Variants in ZNF600 observed in about 807,000 individuals in gnomAD.
ZNF600 encodes the protein zinc finger protein 600, also known as zinc finger protein KR-ZNF1.
In ZNF600, 4 loss-of-function variants were observed where a neutral mutation model predicts 7.3. That is an observed-to-expected ratio of 0.55 (90% CI 0.27 to 1.25). The LOEUF (loss-of-function observed/expected upper bound fraction) is 1.25, where lower values mean the gene tolerates loss of function less well. Among genes scored for constraint, ZNF600 ranks in the 50% most tolerant of loss-of-function variants. ZNF600 has a pLI of 0.12. For synonymous variants in ZNF600, 290 were observed against 308.9 expected (o/e 0.94, Z 0.64); for missense variants, 911 against 922.1 (o/e 0.99, Z 0.16).
chr19:52,766,879 G>T, exon 4 of ZNF600: 1 of 1,613,984 alleles, frequency 6.2e-7, no homozygotes, highest in Non-Finnish European at 8.5e-7. Flanking sequence ...TGAATTCTAC[G>T]ATGACGTGCA....
At chr19:52,830,596 T>C in the ZNF600 span, among the ~76,000 whole-genome samples, 12 of 152,094 alleles carry the variant, frequency 7.9e-5, no homozygotes, top group Non-Finnish European at 1.6e-4. Flanking sequence ...CCATCCCTCA[T>C]GGATCATGTG....
chr19:52,791,680 C>A (rs2062791169), upstream of ZNF600, among the ~76,000 whole-genome samples: 1 of 152,184 alleles, frequency 6.6e-6, no homozygotes, highest in Admixed American at 6.5e-5. Context: ...GAAAGATGGT[C>A]CTTTGCTGCC....
rs149662014 is a variant in ZNF600 at position 52,776,460 on chromosome 19, A to G, written c.64-1759T>C. 4.3e-3 allele frequency among the ~76,000 whole-genome samples: 650 copies of G among 151,360 alleles called. 13 individuals carry two copies. In the East Asian group the frequency reaches 0.047, roughly 11 times the overall value. ...GGAGTCTCACTCTATTGCACAGGCT[A>G]GAGTGCAGTGGCAGAATCTCAGCTC... On this transcript the variant is annotated intron_variant, in intron 2 of 3. Coordinates refer to ENST00000648973, the Ensembl canonical transcript of ZNF600.
chr19:52,771,624 T>C (rs113167883), intron 3 of ZNF600, among the ~76,000 whole-genome samples: 9,528 of 152,126 alleles, frequency 0.063, 954 homozygotes, highest in African/African-American at 0.21. Context: ...ATTACAGGTG[T>C]ATACCAACAC....
chr19:52,794,621 G>T, the ZNF600 span, among the ~76,000 whole-genome samples: 12 of 152,190 alleles, frequency 7.9e-5, no homozygotes, highest in African/African-American at 2.9e-4. Flanking sequence ...TTGGGAGGCT[G>T]AAGTGGGTAG....
At chr19:52,767,848 CAA>C in intron 3 of ZNF600, 76 bp from the exon 6 acceptor site, 3 of 1,460,726 alleles carry the variant, frequency 2.1e-6, no homozygotes, top group South Asian at 1.6e-5. Flanking sequence ...AAATATGACA[CAA>C]AAAACAATAC....
chr19:52,809,831 CGGCGGCGGT>C, the ZNF600 span: 188 of 554,794 alleles, frequency 3.4e-4, 2 homozygotes, highest in East Asian at 3.1e-3. Context: ...AAGGCGGCGG[CGGCGGCGGT>C]GGCGGTGGTG....
At chr19:52,830,332 CAAAT>C in the ZNF600 span, among the ~76,000 whole-genome samples, 1 of 152,064 alleles carries the variant, frequency 6.6e-6, no homozygotes, top group African/African-American at 2.4e-5. Flanking sequence ...AATAAGTTCT[CAAAT>C]AAGTACAGCA....
intron 2 of ZNF600, among the ~76,000 whole-genome samples, chr19:52,777,728 C>T (rs1185524294): frequency 1.3e-5 from 2 of 151,968 alleles, no homozygotes; most frequent in African/African-American, 4.8e-5. Context: ...ACTCAGGAGG[C>T]TGAGGCAGAA....
chr19:52,822,477 AAT>A, the ZNF600 span, among the ~76,000 whole-genome samples: 28 of 152,324 alleles, frequency 1.8e-4, no homozygotes, highest in African/African-American at 6.5e-4. Context: ...AACAGGAAGA[AAT>A]AAGAACTATT....
At chr19:52,802,761 CTTTT>C in the ZNF600 span, among the ~76,000 whole-genome samples, 3 of 127,566 alleles carry the variant, frequency 2.4e-5, no homozygotes, top group African/African-American at 5.9e-5. Flanking sequence ...CACGTTGTGA[CTTTT>C]TTTTTTTTTT....
chr19:52,780,393 G>A (rs1471181731), intron 1 of ZNF600, among the ~76,000 whole-genome samples, 188 bp downstream of exon 3: 4 of 152,140 alleles, frequency 2.6e-5, no homozygotes, highest in Non-Finnish European at 5.9e-5. Flanking sequence ...GGGGAAGAGA[G>A]TCCTAGAGAG....
At chr19:52,791,232 C>CG (rs1402650209), upstream of ZNF600, among the ~76,000 whole-genome samples, 1 of 152,194 alleles carries the variant, frequency 6.6e-6, no homozygotes, top group African/African-American at 2.4e-5. Context: ...ACTGACACCA[C>CG]GGGGCCCACA....
At chr19:52,818,661 C>G in the ZNF600 span, among the ~76,000 whole-genome samples, 1 of 151,926 alleles carries the variant, frequency 6.6e-6, no homozygotes, top group African/African-American at 2.4e-5. Flanking sequence ...GACCCAAGAT[C>G]GCGCCACTCC....
chr19:52,794,289 A>C, the ZNF600 span, among the ~76,000 whole-genome samples: 7 of 152,168 alleles, frequency 4.6e-5, no homozygotes, highest in African/African-American at 1.4e-4. Context: ...ATCCATTTAA[A>C]ATTCAAATCA....
the ZNF600 span, among the ~76,000 whole-genome samples, chr19:52,811,671 A>G: frequency 1.5e-5 from 2 of 136,944 alleles, no homozygotes; most frequent in Non-Finnish European, 3.1e-5. Flanking sequence ...GCCCCGTCTG[A>G]GAAGTGAGGA....
At chr19:52,770,886 T>G (rs1380137408) in intron 3 of ZNF600, among the ~76,000 whole-genome samples, 1 of 152,114 alleles carries the variant, frequency 6.6e-6, no homozygotes, top group African/African-American at 2.4e-5. Context: ...CAGGCTGGAG[T>G]GCAATAGCAT....
the ZNF600 span, among the ~76,000 whole-genome samples, chr19:52,815,402 A>C: frequency 1.4e-5 from 2 of 145,650 alleles, no homozygotes; most frequent in Non-Finnish European, 3.0e-5. Context: ...CTGTAGTCCC[A>C]GCTACTCGAG....
the ZNF600 span, among the ~76,000 whole-genome samples, chr19:52,821,964 T>A: frequency 6.6e-6 from 1 of 151,202 alleles, no homozygotes; most frequent in African/African-American, 2.4e-5. Flanking sequence ...GAGACAGGGA[T>A]ACAACATTAC....
Sources: allele counts gnomAD v4.1 joint callset (sites outside exome capture counted in the v4.1 genomes callset), GRCh38; gene constraint gnomAD v4.1.1; transcripts MANE v1.5; gene names NCBI Gene and HGNC (gene_info 2026-07-23, HGNC 2026-07-21).